RP1: variants seen among roughly 807,000 people sequenced by gnomAD.
RP1 encodes the protein RP1 axonemal microtubule associated, also known as oxygen-regulated protein 1.
RP1 carries 16 observed loss-of-function variants against 14.8 expected under a neutral mutation model. The ratio of observed to expected loss-of-function variants is 1.08; its 90% CI spans 0.73 to 1.65. The LOEUF (loss-of-function observed/expected upper bound fraction) is 1.65, where lower values mean the gene tolerates loss of function less well. RP1 is among the 40% of genes most tolerant of loss of function. The pLI, the probability that RP1 is intolerant of heterozygous loss-of-function variation, is 0.00. For synonymous variants in RP1, 876 were observed against 883.6 expected (o/e 0.99, Z 0.15); for missense variants, 2,631 against 2,535.0 (o/e 1.04, Z -0.81).
intron 22 of RP1, among the ~76,000 whole-genome samples, chr8:54,765,650 G>A (rs982800547): frequency 6.6e-6 from 1 of 152,148 alleles, no homozygotes; most frequent in African/African-American, 2.4e-5. Flanking sequence ...CAGGGATATT[G>A]TTACTCTTTT....
At chr8:54,579,564 G>C (rs139721618) in intron 1 of RP1, among the ~76,000 whole-genome samples, 40 of 152,272 alleles carry the variant, frequency 2.6e-4, no homozygotes, top group African/African-American at 9.6e-4. Context: ...CTGTGTCAGG[G>C]AGAAGTTCTG....
intron 17 of RP1, among the ~76,000 whole-genome samples, chr8:54,729,902 T>C (rs1277964574): frequency 1.3e-5 from 2 of 152,216 alleles, no homozygotes; most frequent in South Asian, 2.1e-4. Flanking sequence ...ATATTAATGG[T>C]TATTCTTGTT....
chr8:54,638,125 T>C (rs971982985), intron 3 of RP1, among the ~76,000 whole-genome samples: 2 of 152,188 alleles, frequency 1.3e-5, no homozygotes, highest in African/African-American at 4.8e-5. Context: ...TCAGTTTAGG[T>C]GGAGAAAATT....
intron 22 of RP1, among the ~76,000 whole-genome samples, chr8:54,766,417 T>C (rs1282456219): frequency 6.6e-6 from 1 of 152,160 alleles, no homozygotes; most frequent in Non-Finnish European, 1.5e-5. Context: ...TCTGAGCATG[T>C]ATTTGTGCTG....
intron 19 of RP1, among the ~76,000 whole-genome samples, chr8:54,747,882 G>A (rs536033275): frequency 1.1e-4 from 16 of 152,240 alleles, no homozygotes; most frequent in Non-Finnish European, 2.1e-4. Context: ...AGAATTAGTA[G>A]CGAGATAAGG....
chr8:54,823,847 T>C (rs897708125), intron 24 of RP1, among the ~76,000 whole-genome samples: 1 of 152,220 alleles, frequency 6.6e-6, no homozygotes, highest in Non-Finnish European at 1.5e-5. Context: ...TGTATGGTAG[T>C]GTATTATGGA....
intron 12 of RP1, among the ~76,000 whole-genome samples, chr8:54,694,411 T>C (rs1807804007): frequency 6.6e-6 from 1 of 152,228 alleles, no homozygotes; most frequent in East Asian, 1.9e-4. Flanking sequence ...CTCCTCCTTG[T>C]AGCTCTGGTA....
At chr8:54,847,863 G>A (rs974918746) in intron 25 of RP1, among the ~76,000 whole-genome samples, 7 of 152,206 alleles carry the variant, frequency 4.6e-5, no homozygotes, top group East Asian at 3.9e-4. Flanking sequence ...GCTAGTCCCC[G>A]GAGCAGTGCG....
At chr8:54,755,368 A>C (rs962040764) in intron 20 of RP1, among the ~76,000 whole-genome samples, 1 of 152,346 alleles carries the variant, frequency 6.6e-6, no homozygotes, top group East Asian at 1.9e-4. Context: ...ACAACCTTAT[A>C]AAAAATCTTT....
At chr8:54,840,322 G>A (rs1811761388) in intron 25 of RP1, among the ~76,000 whole-genome samples, 2 of 151,540 alleles carry the variant, frequency 1.3e-5, no homozygotes, top group African/African-American at 4.9e-5. Flanking sequence ...GCATGATCTC[G>A]GCTCACTGCA....
intron 3 of RP1, among the ~76,000 whole-genome samples, chr8:54,643,963 C>T (rs749313580): frequency 6.6e-6 from 1 of 152,128 alleles, no homozygotes; most frequent in Non-Finnish European, 1.5e-5. Flanking sequence ...TTTAACCATT[C>T]CACCATCAAC....
At chr8:54,759,903 C>T (rs1043042379) in intron 22 of RP1, among the ~76,000 whole-genome samples, 2 of 152,060 alleles carry the variant, frequency 1.3e-5, no homozygotes, top group East Asian at 1.9e-4. Context: ...TCTTCAATAT[C>T]GAGGGCTGCC....
At chr8:54,830,122 A>G (rs529272812) in intron 24 of RP1, among the ~76,000 whole-genome samples, 19 of 152,294 alleles carry the variant, frequency 1.2e-4, no homozygotes, top group Admixed American at 4.6e-4. Flanking sequence ...TATTGAGAGA[A>G]GATGTTAAAA....
chr8:54,749,495 C>T (rs181120723), intron 19 of RP1, among the ~76,000 whole-genome samples: 205 of 152,138 alleles, frequency 1.3e-3, no homozygotes, highest in Non-Finnish European at 2.1e-3. Context: ...AGTGATGACC[C>T]TCCTTCTGAC....
chr8:54,870,683 T>C (rs1812569334), exon 29 of RP1: 1 of 152,198 alleles, frequency 6.6e-6, no homozygotes, highest in Non-Finnish European at 1.5e-5. Context: ...AATCCGTTAA[T>C]TTGGCACATA....
chr8:54,631,814 C>A (rs1806250933), downstream of RP1, among the ~76,000 whole-genome samples: 1 of 151,682 alleles, frequency 6.6e-6, no homozygotes, highest in Admixed American at 6.6e-5. Flanking sequence ...ACATTTTTAT[C>A]ATTGTTTTCA....
At chr8:54,596,914 C>G (rs1805160924) in intron 1 of RP1, among the ~76,000 whole-genome samples, 2 of 152,106 alleles carry the variant, frequency 1.3e-5, no homozygotes, top group African/African-American at 4.8e-5. Flanking sequence ...TACTCTAAGT[C>G]AAGCCCTTAT....
chr8:54,721,512 T>C (rs1009326889), intron 16 of RP1, among the ~76,000 whole-genome samples: 2 of 151,820 alleles, frequency 1.3e-5, no homozygotes, highest in Non-Finnish European at 2.9e-5. Context: ...AAAGAAGAGA[T>C]TGAAATAATA....
intron 23 of RP1, among the ~76,000 whole-genome samples, chr8:54,782,270 G>A (rs947841200): frequency 6.6e-6 from 1 of 152,068 alleles, no homozygotes; most frequent in Non-Finnish European, 1.5e-5. Context: ...TTTGGCTTTC[G>A]GTACTGAGGT....
Sources: allele counts gnomAD v4.1 joint callset (sites outside exome capture counted in the v4.1 genomes callset), GRCh38; gene constraint gnomAD v4.1.1; transcripts MANE v1.5; gene names NCBI Gene and HGNC (gene_info 2026-07-23, HGNC 2026-07-21).